OR9Q1: variants seen among roughly 807,000 people sequenced by gnomAD.
OR9Q1 encodes olfactory receptor family 9 subfamily Q member 1.
For synonymous variants in OR9Q1, 153 were observed against 148.6 expected (o/e 1.03, Z -0.22); for missense variants, 374 against 378.8 (o/e 0.99, Z 0.11).
chr11:58,089,543 T>A (rs956519149), intron 2 of OR9Q1, among the ~76,000 whole-genome samples: 1 of 151,958 alleles, frequency 6.6e-6, no homozygotes, highest in East Asian at 1.9e-4. Flanking sequence ...CCATGCTTTT[T>A]GATTACTGTA....
intron 2 of OR9Q1, among the ~76,000 whole-genome samples, chr11:58,179,105 G>A (rs747434739): frequency 3.3e-5 from 5 of 150,900 alleles, no homozygotes; most frequent in Non-Finnish European, 5.9e-5. Flanking sequence ...CAAGATGGGA[G>A]CTTTGACCTC....
At position 58,180,164 on chromosome 11, in the gene OR9Q1, C is replaced by T. The variant is rs766651242; in HGVS notation, c.720C>T (p.Cys240=). ...AGSQAKTFST[C]TSHLTAVSLF... is the part of the protein sequence containing the mutation. ...GCCAGGCCAAGACCTTCTCCACCTG[C>T]ACCTCCCACCTCACTGCTGTGTCAC... Residue 240 remains cysteine (C), a synonymous_variant, in exon 3 of 3, where the codon TGC becomes TGT. Transcript: ENST00000335397. 2 of 1,613,936 alleles carry T rather than the reference C, an allele frequency of 1.2e-6. No homozygotes were observed. The highest frequency in any genetic ancestry group is 1.7e-6 in the Non-Finnish European group (2 of 1,179,900).
At chr11:58,118,141 C>G (rs1411892899) in intron 2 of OR9Q1, 1 of 169,888 alleles carries the variant, frequency 5.9e-6, no homozygotes, top group Admixed American at 6.0e-5. Context: ...TTGATGGGAG[C>G]AAAAACAAGA....
chr11:58,047,934 T>C (rs1354214339), intron 1 of OR9Q1, among the ~76,000 whole-genome samples: 1 of 152,150 alleles, frequency 6.6e-6, no homozygotes, highest in Non-Finnish European at 1.5e-5. Flanking sequence ...ATATCTATGC[T>C]TGTTTGTGCC....
intron 1 of OR9Q1, among the ~76,000 whole-genome samples, chr11:58,050,687 G>C (rs80287517): frequency 8.4e-6 from 1 of 118,770 alleles, no homozygotes; most frequent in South Asian, 3.7e-4. Flanking sequence ...GAAAATTTTC[G>C]CAACCTACTC....
At chr11:58,130,013 C>G (rs1008475219) in intron 2 of OR9Q1, among the ~76,000 whole-genome samples, 1 of 152,068 alleles carries the variant, frequency 6.6e-6, no homozygotes, top group African/African-American at 2.4e-5. Context: ...CTTTGCCATA[C>G]CCATCAACCC....
chr11:58,106,196 G>A (rs1396542021), intron 2 of OR9Q1, among the ~76,000 whole-genome samples: 1 of 149,558 alleles, frequency 6.7e-6, no homozygotes, highest in Non-Finnish European at 1.5e-5. Flanking sequence ...CAAAATAGGT[G>A]TGAAGTGGTA....
At chr11:58,147,785 T>C (rs1288099611) in intron 2 of OR9Q1, among the ~76,000 whole-genome samples, 1 of 152,350 alleles carries the variant, frequency 6.6e-6, no homozygotes, top group Non-Finnish European at 1.5e-5. Context: ...AAAACATTCA[T>C]AAATTACCTA....
chr11:58,086,173 C>G (rs927072490), intron 2 of OR9Q1, among the ~76,000 whole-genome samples: 1 of 151,830 alleles, frequency 6.6e-6, no homozygotes, highest in East Asian at 1.9e-4. Flanking sequence ...AGCAAAAAAC[C>G]AAATAACCCA....
intron 2 of OR9Q1, among the ~76,000 whole-genome samples, chr11:58,133,300 G>A (rs1211445519): frequency 2.0e-5 from 3 of 152,168 alleles, no homozygotes; most frequent in African/African-American, 7.2e-5. Context: ...TGAAAACACT[G>A]GAGGAGCAGA....
intron 2 of OR9Q1, among the ~76,000 whole-genome samples, chr11:58,138,029 G>A (rs1331963427): frequency 6.6e-6 from 1 of 152,164 alleles, no homozygotes; most frequent in Admixed American, 6.5e-5. Context: ...AGAGATGGGA[G>A]ATACTTGCTT....
chr11:58,176,546 A>C (rs1360228764), intron 2 of OR9Q1, among the ~76,000 whole-genome samples: 2 of 152,176 alleles, frequency 1.3e-5, no homozygotes, highest in Non-Finnish European at 2.9e-5. Flanking sequence ...CCCTGCCTGG[A>C]ATTGAACAAA....
At position 58,180,101 on chromosome 11, in the gene OR9Q1, G is replaced by T; in HGVS notation, c.657G>T (p.Leu219=). 1 of 1,614,008 alleles carries T rather than the reference G, an allele frequency of 6.2e-7. No homozygotes were observed. The highest frequency in any genetic ancestry group is 8.5e-7 in the Non-Finnish European group (1 of 1,179,990). Residue 219 remains leucine (L), a synonymous_variant, in exon 3 of 3, where the codon CTG becomes CTT. Transcript: ENST00000335397. ...ASMVVILVSY[L]FIIVAIMGIP... is the part of the protein sequence containing the mutation. ...TGGTGGTGATCTTGGTGTCCTACCT[G>T]TTTATCATCGTGGCCATCATGGGGA... is the stretch of plus-strand genomic sequence containing the variant.
chr11:58,129,859 G>GT lies in OR9Q1; in HGVS notation c.-14-49565dup, dbSNP rs1447275033. ...TAAGAGGGCAGGGCTTTTTTTTTCT[G>GT]TTTTTTTCAAATTATTTTTTGCTTA... On this transcript the variant is annotated intron_variant, in intron 2 of 2. Coordinates refer to ENST00000335397, the MANE Select transcript of OR9Q1 (RefSeq NM_001005212.4). Among the ~76,000 whole-genome samples the GT allele has an allele frequency of 2.9e-4, 44 of 150,486 alleles. 1 individual carries two copies. The highest frequency in any genetic ancestry group is 1.4e-3 in the East Asian group (7 of 5,108).
rs1174939091 is a variant in OR9Q1 at position 58,180,336 on chromosome 11, G to T, written c.892G>T (p.Glu298Ter). ...CAGCCTGAGGAACAAGGAAGTGAAG[G>T]AGGCCCTGAGAAAAATTCTCAATAG... ...IYSLRNKEVK[E>*]ALRKILNRAK... is the part of the protein sequence containing the mutation. The change falls in exon 3 of 3, where the codon GAG (glutamate) becomes TAG (stop). Residue 298 changes from glutamate to a stop codon, truncating the protein, a stop_gained. Coordinates refer to ENST00000335397, the MANE Select transcript of OR9Q1 (RefSeq NM_001005212.4). LOFTEE classifies it low-confidence loss of function (END_TRUNC). 1 of 1,600,048 alleles carries T rather than the reference G, an allele frequency of 6.2e-7. No homozygotes were observed. The highest frequency in any genetic ancestry group is 8.5e-7 in the Non-Finnish European group (1 of 1,171,810).
At chr11:58,086,307 A>C (rs887010313) in intron 2 of OR9Q1, among the ~76,000 whole-genome samples, 5 of 151,958 alleles carry the variant, frequency 3.3e-5, no homozygotes. Flanking sequence ...TGAAACCACA[A>C]TGGAATATCA....
intron 1 of OR9Q1, among the ~76,000 whole-genome samples, chr11:58,029,286 G>A (rs2441958): frequency 0.29 from 44,212 of 151,716 alleles, 6,779 homozygotes; most frequent in East Asian, 0.62. Flanking sequence ...GAGGCCTGAG[G>A]GACTTAGTTC....
At chr11:58,095,715 G>A (rs1389754544) in intron 2 of OR9Q1, among the ~76,000 whole-genome samples, 1 of 152,134 alleles carries the variant, frequency 6.6e-6, no homozygotes, top group Non-Finnish European at 1.5e-5. Context: ...TCTCCACCTT[G>A]TCCCTCCCAT....
rs532769314 is a variant in OR9Q1 at position 58,118,333 on chromosome 11, G to A, written c.-14-61098G>A. The stretch of plus-strand genomic sequence containing the variant: ...GGATAAGAAGAAAGAACATGGAATT[G>A]CTGGAAACTAATTTCACCACAATTG... On this transcript the variant is annotated intron_variant, in intron 2 of 2. Transcript: ENST00000335397. 4.0e-5 allele frequency: 23 copies of A among 568,516 alleles called. No individual in the cohort carries two copies. In the Admixed American group the frequency reaches 4.2e-4, roughly 10 times the overall value. 35.2% of individuals were successfully genotyped at this position (568,516 alleles called of 1,614,324 possible). A position where few individuals can be genotyped will look rare whatever the true frequency, so the allele number is the denominator to read the frequency against.
Sources: gnomAD v4.1 joint callset for allele counts (sites outside exome capture counted in the v4.1 genomes callset) on GRCh38, gnomAD v4.1.1 for gene constraint, MANE v1.5 for transcripts, NCBI Gene and HGNC (gene_info 2026-07-23, HGNC 2026-07-21) for gene names.